RBFOX1: variants seen among roughly 807,000 people sequenced by gnomAD.
The protein encoded by RBFOX1 is RNA binding protein fox-1 homolog 1.
RBFOX1 carries 8 observed loss-of-function variants against 57.7 expected under a neutral mutation model. That is an observed-to-expected ratio of 0.14 (90% confidence interval 0.08 to 0.25). The LOEUF (loss-of-function observed/expected upper bound fraction) is 0.25, where lower values mean the gene tolerates loss of function less well. Ranked by LOEUF, RBFOX1 falls within the 10% of genes least tolerant of loss-of-function variation. The probability of loss-of-function intolerance (pLI) is 1.00; values close to 1 mark genes in which losing one functional copy is unlikely to be tolerated. For synonymous variants in RBFOX1, 326 were observed against 222.4 expected (o/e 1.47, Z -4.15); for missense variants, 611 against 548.5 (o/e 1.11, Z -1.14).
At chr16:5,687,003 G>A (rs1055982890) in intron 3 of RBFOX1, among the ~76,000 whole-genome samples, 6 of 152,228 alleles carry the variant, frequency 3.9e-5, no homozygotes, top group Non-Finnish European at 7.4e-5. Flanking sequence ...GGTTGGGTAC[G>A]GATACCCATG....
chr16:6,501,996 C>T (rs762312937), intron 2 of RBFOX1, among the ~76,000 whole-genome samples: 21 of 152,214 alleles, frequency 1.4e-4, no homozygotes, highest in African/African-American at 1.2e-4. Context: ...TTCTAGGGAT[C>T]GTGTGTCCTT....
intron 2 of RBFOX1, among the ~76,000 whole-genome samples, chr16:5,523,460 A>C (rs925006839): frequency 2.2e-5 from 3 of 139,526 alleles, no homozygotes; most frequent in Admixed American, 2.0e-4. Context: ...ACAAAAAATA[A>C]AAAAAATTAG....
chr16:7,619,937 C>T (rs952562601), intron 10 of RBFOX1, among the ~76,000 whole-genome samples: 10 of 152,180 alleles, frequency 6.6e-5, no homozygotes, highest in Non-Finnish European at 1.5e-4. Context: ...AGCCCAGACA[C>T]CTATGGTCTG....
intron 3 of RBFOX1, among the ~76,000 whole-genome samples, chr16:6,909,732 T>C (rs544833564): frequency 4.9e-4 from 74 of 152,210 alleles, no homozygotes; most frequent in Admixed American, 1.7e-3. Context: ...ACAATGACTG[T>C]TGTTGGTTTC....
intron 1 of RBFOX1, among the ~76,000 whole-genome samples, chr16:5,367,422 C>G (rs980182850): frequency 1.3e-5 from 2 of 152,158 alleles, no homozygotes; most frequent in Non-Finnish European, 2.9e-5. Context: ...TGGGAGGGAA[C>G]TGTCTCTCCA....
At chr16:6,731,150 C>G (rs2068483437) in intron 3 of RBFOX1, among the ~76,000 whole-genome samples, 1 of 152,104 alleles carries the variant, frequency 6.6e-6, no homozygotes, top group African/African-American at 2.4e-5. Flanking sequence ...AGAGGGACTG[C>G]TGAGGACAGC....
At chr16:6,809,604 A>G (rs2087892151) in intron 3 of RBFOX1, among the ~76,000 whole-genome samples, 1 of 152,174 alleles carries the variant, frequency 6.6e-6, no homozygotes. Context: ...ACCTTGGTAC[A>G]GAATTGCTAC....
chr16:6,898,691 C>T (rs767941641), intron 3 of RBFOX1, among the ~76,000 whole-genome samples: 9 of 151,876 alleles, frequency 5.9e-5, no homozygotes, highest in Non-Finnish European at 1.3e-4. Flanking sequence ...TGTGTATATA[C>T]GTGTGTATGT....
chr16:6,100,356 G>A (rs1057339745), intron 1 of RBFOX1, among the ~76,000 whole-genome samples: 6 of 152,136 alleles, frequency 3.9e-5, no homozygotes, highest in Admixed American at 2.0e-4. Flanking sequence ...TAGAGACGGG[G>A]TTTCACCATG....
At chr16:6,720,113 A>AT (rs1393561488) in intron 3 of RBFOX1, among the ~76,000 whole-genome samples, 1 of 152,098 alleles carries the variant, frequency 6.6e-6, no homozygotes, top group Non-Finnish European at 1.5e-5. Context: ...AAATAAATAA[A>AT]TAAATAAATA....
At chr16:6,659,776 G>A (rs1266174694) in intron 3 of RBFOX1, among the ~76,000 whole-genome samples, 1 of 152,142 alleles carries the variant, frequency 6.6e-6, no homozygotes, top group Non-Finnish European at 1.5e-5. Flanking sequence ...GGAAGTAGTT[G>A]GCACCCAACA....
intron 4 of RBFOX1, among the ~76,000 whole-genome samples, chr16:5,959,270 C>A (rs1253236093): frequency 6.6e-6 from 1 of 152,170 alleles, no homozygotes; most frequent in East Asian, 1.9e-4. Context: ...CCTTGAGAAC[C>A]AATAGAACAT....
At chr16:5,644,840 G>T (rs991837267) in intron 3 of RBFOX1, among the ~76,000 whole-genome samples, 1 of 152,148 alleles carries the variant, frequency 6.6e-6, no homozygotes, top group Non-Finnish European at 1.5e-5. Flanking sequence ...GAATAATGCC[G>T]CCATGAACGT....
At chr16:7,390,352 G>C (rs1168506952) in intron 4 of RBFOX1, among the ~76,000 whole-genome samples, 2 of 152,156 alleles carry the variant, frequency 1.3e-5, no homozygotes, top group Non-Finnish European at 2.9e-5. Flanking sequence ...AGTAGGACTT[G>C]ATCCAAATCT....
At chr16:5,945,907 C>G (rs575516705) in intron 4 of RBFOX1, among the ~76,000 whole-genome samples, 4 of 152,200 alleles carry the variant, frequency 2.6e-5, no homozygotes, top group Non-Finnish European at 5.9e-5. Flanking sequence ...CACTGAGCCA[C>G]TCCATGCCAT....
intron 2 of RBFOX1, among the ~76,000 whole-genome samples, chr16:6,477,589 T>G (rs773230316): frequency 4.6e-5 from 7 of 152,228 alleles, no homozygotes; most frequent in Non-Finnish European, 1.0e-4. Context: ...AGAGTAGATT[T>G]AGAGTTATTC....
chr16:6,041,827 T>A (rs1373157468), intron 1 of RBFOX1, among the ~76,000 whole-genome samples: 1 of 152,186 alleles, frequency 6.6e-6, no homozygotes, highest in Non-Finnish European at 1.5e-5. Flanking sequence ...GTAGTTTCCA[T>A]TGCTGCTGGA....
At chr16:6,931,686 A>G (rs1451322575) in intron 3 of RBFOX1, among the ~76,000 whole-genome samples, 10 of 152,296 alleles carry the variant, frequency 6.6e-5, no homozygotes, top group Non-Finnish European at 1.2e-4. Flanking sequence ...CACAGACTCA[A>G]AGTCAGACAG....
chr16:6,810,626 A>G (rs997777644), intron 3 of RBFOX1, among the ~76,000 whole-genome samples: 4 of 152,016 alleles, frequency 2.6e-5, no homozygotes, highest in African/African-American at 9.7e-5. Flanking sequence ...GAGACTGGGT[A>G]TTTTATAAAG....
Sources: gnomAD v4.1 joint callset for allele counts (sites outside exome capture counted in the v4.1 genomes callset) on GRCh38, gnomAD v4.1.1 for gene constraint, MANE v1.5 for transcripts, NCBI Gene and HGNC (gene_info 2026-07-23, HGNC 2026-07-21) for gene names.